The following NOP14 variants were observed in gnomAD, a reference collection of about 807,000 sequenced individuals.
The protein encoded by NOP14 is NOP14 nucleolar protein, also known as nucleolar protein 14.
Under a neutral mutation model 101.6 loss-of-function variants are expected in NOP14, and 57 were observed. The ratio of observed to expected loss-of-function variants is 0.56; its 90% CI spans 0.45 to 0.70. The LOEUF is 0.70. Ranked by LOEUF, NOP14 falls within the 30% of genes least tolerant of loss-of-function variation. The pLI is 0.00. For missense variants in NOP14, 1,134 were observed against 1,075.5 expected (o/e 1.05, Z -0.76); for synonymous variants, 428 against 424.0 (o/e 1.01, Z -0.12).
At chr4:2,959,607 A>C (rs548113678) in intron 1 of NOP14, among the ~76,000 whole-genome samples, 2 of 151,938 alleles carry the variant, frequency 1.3e-5, no homozygotes, top group East Asian at 3.9e-4. Context: ...ACAAAAAAAA[A>C]CAAAAAACAC....
At chr4:2,942,107 C>T in intron 14 of NOP14, 85 bp downstream of exon 14, 5 of 1,402,518 alleles carry the variant, frequency 3.6e-6, no homozygotes, top group Non-Finnish European at 3.9e-6. Context: ...TCACTAAGAA[C>T]AGCACATCAG....
At chr4:2,959,491 G>A (rs939109567) in intron 1 of NOP14, among the ~76,000 whole-genome samples, 1 of 152,156 alleles carries the variant, frequency 6.6e-6, no homozygotes, top group African/African-American at 2.4e-5. Flanking sequence ...TACTCAGGAG[G>A]CTGAGGCAGG....
chr4:2,949,494 G>A (rs1211618905), intron 8 of NOP14, among the ~76,000 whole-genome samples: 1 of 152,142 alleles, frequency 6.6e-6, no homozygotes, highest in Non-Finnish European at 1.5e-5. Flanking sequence ...CATCAGCCAC[G>A]CACCTGGCCT....
rs772053716 is a variant in NOP14, at chr4:2,950,153, G to T, written c.1063C>A (p.Pro355Thr). 7 of 1,614,092 alleles carry T rather than the reference G, an allele frequency of 4.3e-6. No homozygotes were observed. Among genetic ancestry groups the T allele is most frequent in the Non-Finnish European group, 5.9e-6 (7 of 1,180,036 alleles). The change falls in exon 8 of 18, where the codon CCT becomes ACT. Residue 355 changes from proline to threonine, a missense_variant. By Grantham distance (38) the Pro-to-Thr change is conservative. Coordinates refer to ENST00000416614, the MANE Select transcript of NOP14 (RefSeq NM_001291978.2). ...TCACCTTCTTCCTCGTTGCTCTCAGGGTCACTGGCTTCCTTGCTTTGCTCT... is the reference window on the plus strand; with the variant it reads ...TCACCTTCTTCCTCGTTGCTCTCAGTGTCACTGGCTTCCTTGCTTTGCTCT... ...QEEQSKEASD[P>T]ESNEEEGDSS...
At chr4:2,939,739 G>A in intron 15 of NOP14, 94 bp from the exon 16 acceptor site, 2 of 963,594 alleles carry the variant, frequency 2.1e-6, no homozygotes, top group Non-Finnish European at 3.4e-6. Flanking sequence ...GCAGCGTGAG[G>A]ACAGTGCTGC....
chr4:2,957,371 C>T (rs1715419879), intron 2 of NOP14, among the ~76,000 whole-genome samples: 1 of 152,194 alleles, frequency 6.6e-6, no homozygotes. Flanking sequence ...GCTGAGAACT[C>T]CTGTGCACAC....
Position 2,944,067 on chromosome 4 carries a change from A to G in NOP14, c.1891+6T>C, listed in dbSNP as rs1333885287. On this transcript the variant is annotated splice_donor_region_variant and intron_variant, in intron 13 of 17. Coordinates refer to ENST00000416614, the MANE Select transcript of NOP14 (RefSeq NM_001291978.2). Reference sequence around the variant, plus strand: ...ATTTGTAGGAACCTCCCTCAAATCAACTCACCTTGGCTTGCTTTGTTTGGA... The same window carrying G: ...ATTTGTAGGAACCTCCCTCAAATCAGCTCACCTTGGCTTGCTTTGTTTGGA... The G allele has an allele frequency of 2.5e-6, 4 of 1,598,580 alleles. No individual in the cohort carries two copies. Among genetic ancestry groups the G allele is most frequent in the Non-Finnish European group, 1.7e-6 (2 of 1,174,140 alleles).
At chr4:2,947,155 G>A (rs944621579) in intron 10 of NOP14, 12 of 288,718 alleles carry the variant, frequency 4.2e-5, no homozygotes, top group Admixed American at 2.5e-4. Flanking sequence ...CCACCCAACT[G>A]GGTTTCACTG....
At chr4:2,961,072 T>C (rs1425469337) in intron 1 of NOP14, among the ~76,000 whole-genome samples, 4 of 117,100 alleles carry the variant, frequency 3.4e-5, no homozygotes, top group African/African-American at 1.1e-4. Flanking sequence ...ATTATATTAA[T>C]ACTATATTAA....
At chr4:2,961,558 C>T (rs182824512) in intron 1 of NOP14, 12 of 152,354 alleles carry the variant, frequency 7.9e-5, no homozygotes, top group Admixed American at 2.6e-4. Flanking sequence ...CCCCTACACG[C>T]GTTATCAAGC....
Position 2,963,154 on chromosome 4 carries a change from CG to C in NOP14, c.165del (p.Val57CysfsTer15), listed in dbSNP as rs1347730866. The stretch of plus-strand genomic sequence containing the variant: ...CTGAGGGCCCGTGCGCGAGACACCC[CG>C]GGCAGTCCCACGTCGTGGCGCGTCT... ...GRKTRHDVGLPGVSRARALRK... is the reference protein window; with the variant it reads ...GRKTRHDVGLXGVSRARALRK... On this transcript the variant is annotated frameshift_variant, in exon 1 of 18. Transcript: ENST00000416614. LOFTEE classifies it high-confidence loss of function. 1 of 1,572,340 alleles carries C rather than the reference CG, an allele frequency of 6.4e-7. No individual in the cohort carries two copies. Among genetic ancestry groups the C allele is most frequent in the African/African-American group, 1.4e-5 (1 of 70,712 alleles).
At chr4:2,953,676 T>C (rs901843490) in intron 4 of NOP14, 31 bp from the exon 5 acceptor site, 2 of 1,612,504 alleles carry the variant, frequency 1.2e-6, no homozygotes, top group Non-Finnish European at 8.5e-7. Flanking sequence ...ACACACCACA[T>C]ACCGTTACTA....
At chr4:2,942,016 T>C (rs1714236657) in intron 14 of NOP14, 176 bp downstream of exon 14, 2 of 664,166 alleles carry the variant, frequency 3.0e-6, no homozygotes, top group Admixed American at 3.0e-5. Context: ...ATTTTGAAAA[T>C]GAAAAGAAAA....
Position 2,948,340 on chromosome 4 carries a change from C to T in NOP14, c.1351G>A (p.Val451Met), listed in dbSNP as rs774831123. The change falls in exon 9 of 18, where the codon GTG becomes ATG. Residue 451 changes from valine (V) to methionine (M), a missense_variant. By Grantham distance (21) the Val-to-Met change is conservative. Coordinates refer to ENST00000416614, the MANE Select transcript of NOP14 (RefSeq NM_001291978.2). ...GRSMEEQLLV[V>M]ERIQKCNHPS... is the part of the protein sequence containing the mutation. ...TGGTTGCACTTCTGAATTCTCTCCA[C>T]CACCAAAAGCTGCTCTTCCATCGAT... 3 of 1,612,152 alleles carry T rather than the reference C, an allele frequency of 1.9e-6. No homozygotes were observed. The highest frequency in any genetic ancestry group is 3.4e-5 in the Admixed American group (2 of 59,166).
In NOP14 at chr4:2,939,313, A is replaced by G. The variant is rs1237390165; in HGVS notation, c.2349T>C (p.Ser783=). Reference sequence around the variant, plus strand: ...GCCTCTTCCTTTCCTGTTCCTCCTTACTACTGCCTTGTTTTCTTCCAAACT... The same window carrying G: ...GCCTCTTCCTTTCCTGTTCCTCCTTGCTACTGCCTTGTTTTCTTCCAAACT... ...VLEFGRKQGS[S]KEEQERKRLI... is the part of the protein sequence containing the mutation. The change falls in exon 17 of 18, where the codon AGT becomes AGC. Residue 783 remains serine (S), a synonymous_variant. Transcript: ENST00000416614. 2 of 1,613,648 alleles carry G rather than the reference A, an allele frequency of 1.2e-6. No individual in the cohort carries two copies. Among genetic ancestry groups the G allele is most frequent in the African/African-American group, 1.3e-5 (1 of 74,800 alleles).
chr4:2,942,407 A>C lies in NOP14; in HGVS notation c.1892-56T>G, dbSNP rs188788529. 369 of 1,559,000 alleles carry C rather than the reference A, an allele frequency of 2.4e-4. No individual in the cohort carries two copies. The African/African-American group carries it at 4.0e-3, about 17-fold the overall frequency. On this transcript the variant is annotated intron_variant, in intron 13 of 17. Coordinates refer to ENST00000416614, the MANE Select transcript of NOP14 (RefSeq NM_001291978.2). The stretch of plus-strand genomic sequence containing the variant: ...GCCTGAACATTACTGGGCTCCCAGC[A>C]GGCTCTGCGGCACCGAGCCTGTGGA...
chr4:2,955,135 G>A (rs1442231582), intron 3 of NOP14, among the ~76,000 whole-genome samples: 2 of 124,610 alleles, frequency 1.6e-5, no homozygotes, highest in Non-Finnish European at 3.3e-5. Context: ...GCCCCCTCTA[G>A]TCACCTGCAC....
chr4:2,951,292 A>G (rs1410754333), intron 6 of NOP14, 47 bp from the exon 7 acceptor site: 1 of 1,595,004 alleles, frequency 6.3e-7, no homozygotes, highest in Admixed American at 1.7e-5. Context: ...CTTCCAACAT[A>G]TGGTGAGGGG....
At chr4:2,946,701 ACT>A (rs1209979998) in intron 10 of NOP14, among the ~76,000 whole-genome samples, 154 bp from the exon 11 acceptor site, 1 of 152,108 alleles carries the variant, frequency 6.6e-6, no homozygotes, top group Non-Finnish European at 1.5e-5. Context: ...AAGAGTCTAC[ACT>A]CACTTCTGCC....
Sources: gnomAD v4.1 joint callset for allele counts (sites outside exome capture counted in the v4.1 genomes callset) on GRCh38, gnomAD v4.1.1 for gene constraint, MANE v1.5 for transcripts, NCBI Gene and HGNC (gene_info 2026-07-23, HGNC 2026-07-21) for gene names.